ADCK2: variants seen among roughly 807,000 people sequenced by gnomAD.
ADCK2 encodes aarF domain containing kinase 2.
A neutral mutation model predicts 52.3 loss-of-function variants in ADCK2; 37 were observed. The ratio of observed to expected loss-of-function variants is 0.71; its 90% CI spans 0.54 to 0.93. The LOEUF is 0.93. Ranked by LOEUF, ADCK2 falls within the 40% of genes least tolerant of loss-of-function variation. The pLI is 0.00. For missense variants in ADCK2, 695 were observed against 798.7 expected (o/e 0.87, Z 1.56); for synonymous variants, 321 against 349.2 (o/e 0.92, Z 0.90).
At chr7:140,682,843 A>G in intron 4 of ADCK2, among the ~76,000 whole-genome samples, 1 of 150,836 alleles carries the variant, frequency 6.6e-6, no homozygotes, top group East Asian at 1.9e-4. Context: ...AAAAAAAAAA[A>G]AATACAAAAA....
chr7:140,678,582 G>C lies in ADCK2; in HGVS notation c.1081-573G>C, dbSNP rs557466470. On this transcript the variant is annotated intron_variant, in intron 2 of 7. Transcript: ENST00000072869. This position sits in a 1 kb window ranked among gnomAD's most constrained non-coding sequence, Gnocchi z 4.9. The stretch of plus-strand genomic sequence containing the variant: ...GCCAGGAGAGTGAAGGGCAGGTGCC[G>C]GGGGAAGAGCCATCACGGAGAGACA... 6.6e-6 allele frequency among the ~76,000 whole-genome samples: 1 copy of C among 152,142 alleles called. No homozygotes were observed. Among genetic ancestry groups the C allele is most frequent in the Non-Finnish European group, 1.5e-5 (1 of 68,008 alleles).
Position 140,674,553 on chromosome 7 carries a change from G to A in ADCK2, c.934-58G>A, listed in dbSNP as rs1170994927. The A allele has an allele frequency of 7.0e-6, 11 of 1,569,900 alleles. No individual in the cohort carries two copies. In the African/African-American group the frequency reaches 1.4e-4, roughly 19 times the overall value. Reference sequence around the variant, plus strand: ...TGCTTGGATGGTGGGACCCAGCCCTGGCTGGGTAAAATGTGTCCAGCAGGT... The same window carrying A: ...TGCTTGGATGGTGGGACCCAGCCCTAGCTGGGTAAAATGTGTCCAGCAGGT... On this transcript the variant is annotated intron_variant, in intron 1 of 7. Transcript: ENST00000072869. The surrounding 1 kb of genome is among the most constrained non-coding windows in gnomAD (Gnocchi z 4.6).
At chr7:140,694,638 G>C in intron 7 of ADCK2, 25 bp from the exon 8 acceptor site, 1 of 1,609,586 alleles carries the variant, frequency 6.2e-7, no homozygotes, top group Non-Finnish European at 8.5e-7. Context: ...GTTCTGAGAT[G>C]AACTGTTCTG....
At position 140,687,079 on chromosome 7, in the gene ADCK2, G is replaced by T. The variant is rs757520275; in HGVS notation, c.1395G>T (p.Ala465=). Residue 465 remains alanine (A), a synonymous_variant, in exon 5 of 8, where the codon GCG becomes GCT. Coordinates refer to ENST00000072869, the MANE Select transcript of ADCK2 (RefSeq NM_052853.4). Reference sequence around the variant, plus strand: ...ACGGCCTGTCCTCGAGTCAGGAGGCGCAGCTGCAGCAGGCGGACATCTGTG... The same window carrying T: ...ACGGCCTGTCCTCGAGTCAGGAGGCTCAGCTGCAGCAGGCGGACATCTGTG... ...GANGLSSSQE[A]QLQQADICDT... 7 of 1,613,992 alleles carry T rather than the reference G, an allele frequency of 4.3e-6. No homozygotes were observed. The highest frequency in any genetic ancestry group is 5.9e-6 in the Non-Finnish European group (7 of 1,180,036).
At chr7:140,681,580 A>G (rs935772047) in intron 4 of ADCK2, among the ~76,000 whole-genome samples, 2 of 151,910 alleles carry the variant, frequency 1.3e-5, no homozygotes, top group African/African-American at 4.8e-5. Context: ...TTGGCCTCCC[A>G]AAGTGCTGGG....
Position 140,694,948 on chromosome 7 carries a change from T to G in ADCK2, c.*145T>G. ...GTGGAAGGCACACCATGGCTTCCTC[T>G]GCTTGGTTTGAGGGTCTGTTCAAAA... On this transcript the variant is annotated 3_prime_UTR_variant, in exon 8 of 8. Transcript: ENST00000072869. 1 of 1,415,752 alleles carries G rather than the reference T, an allele frequency of 7.1e-7. No homozygotes were observed. The highest frequency in any genetic ancestry group is 2.6e-5 in the East Asian group (1 of 39,036). The allele number at this position is 1,415,752 out of a possible 1,614,324, so 87.7% of individuals were successfully genotyped here.
intron 2 of ADCK2, among the ~76,000 whole-genome samples, chr7:140,675,057 A>G (rs962639061): frequency 1.1e-4 from 16 of 152,238 alleles, no homozygotes; most frequent in African/African-American, 3.9e-4. Context: ...AGCCTGGCCA[A>G]CATGGTGTAA....
Position 140,673,533 on chromosome 7 carries a change from G to T in ADCK2, c.203G>T (p.Arg68Leu). The part of the protein sequence containing the change: ...GEGAPDVLSR[R>L]RVRCSGAAGA... ...GGGGCCCCTGACGTTCTGAGTCGGC[G>T]AAGGGTCCGCTGCAGCGGGGCGGCT... The change falls in exon 1 of 8, where the codon CGA (arginine) becomes CTA (leucine). Residue 68 changes from arginine to leucine, a missense_variant. Arg to Leu is a moderately radical substitution (Grantham distance 102). Transcript: ENST00000072869. This position sits in a 1 kb window ranked among gnomAD's most constrained non-coding sequence, Gnocchi z 6.4. 6.2e-7 allele frequency: 1 copy of T among 1,600,298 alleles called. No homozygotes were observed. Among genetic ancestry groups the T allele is most frequent in the Non-Finnish European group, 8.5e-7 (1 of 1,176,778 alleles).
intron 4 of ADCK2, among the ~76,000 whole-genome samples, chr7:140,682,846 T>A (rs955157366): frequency 0.022 from 2,577 of 116,254 alleles, 197 homozygotes; most frequent in Admixed American, 0.16. Flanking sequence ...AAAAAAAAAA[T>A]ACAAAAATTG....
Position 140,673,205 on chromosome 7 carries a change from G to T in ADCK2, c.-126G>T. On this transcript the variant is annotated 5_prime_UTR_variant, in exon 1 of 8. Coordinates refer to ENST00000072869, the MANE Select transcript of ADCK2 (RefSeq NM_052853.4). This position sits in a 1 kb window ranked among gnomAD's most constrained non-coding sequence, Gnocchi z 6.4. ...CGAGGTGCTGGAGGGAGCGGGGCGC[G>T]GATCCGGCCCAGATGGGCAGCTCCG... The T allele has an allele frequency of 1.4e-6, 1 of 738,714 alleles. No individual in the cohort carries two copies. Among genetic ancestry groups the T allele is most frequent in the Non-Finnish European group, 1.9e-6 (1 of 525,374 alleles). The allele number at this position is 738,714 out of a possible 1,614,324, so 45.8% of individuals were successfully genotyped here. A position where few individuals can be genotyped will look rare whatever the true frequency, so the allele number is the denominator to read the frequency against.
At chr7:140,683,495 T>C (rs1181901945) in intron 4 of ADCK2, among the ~76,000 whole-genome samples, 7 of 152,182 alleles carry the variant, frequency 4.6e-5, no homozygotes, top group Admixed American at 1.3e-4. Context: ...CTCCCTACCA[T>C]GATTCTTTTC....
rs151053844 is a variant in ADCK2, at chr7:140,681,663, G to T, written c.1305+526G>T. 8.7e-3 allele frequency among the ~76,000 whole-genome samples: 1,321 copies of T among 151,592 alleles called. 47 individuals are homozygous for T. The highest frequency in any genetic ancestry group is 0.065 in the Admixed American group (982 of 15,196). ...GATAGGGTCTCACTCTGTTGCCGAG[G>T]TTGGAGTGCAGTGGCAAAATCTCCA... On this transcript the variant is annotated intron_variant, in intron 4 of 7. Coordinates refer to ENST00000072869, the MANE Select transcript of ADCK2 (RefSeq NM_052853.4).
At chr7:140,680,150 A>ATT (rs34658235) in intron 3 of ADCK2, among the ~76,000 whole-genome samples, 16 of 141,540 alleles carry the variant, frequency 1.1e-4, no homozygotes, top group Admixed American at 9.2e-4. Flanking sequence ...TGTTTTGACA[A>ATT]TTTTTTTTTT....
chr7:140,691,035 C>G (rs908497092), intron 7 of ADCK2, among the ~76,000 whole-genome samples: 1 of 152,080 alleles, frequency 6.6e-6, no homozygotes, highest in African/African-American at 2.4e-5. Context: ...CAGTGATTCT[C>G]TTGCCTCAGT....
intron 4 of ADCK2, among the ~76,000 whole-genome samples, chr7:140,684,478 G>A (rs1442777877): frequency 6.6e-6 from 1 of 152,128 alleles, no homozygotes; most frequent in Non-Finnish European, 1.5e-5. Context: ...AGAGGACAGT[G>A]GTTGAAGGGA....
chr7:140,694,940 G>A lies in ADCK2; in HGVS notation c.*137G>A. The A allele has an allele frequency of 7.0e-7, 1 of 1,418,918 alleles. No individual in the cohort carries two copies. Among genetic ancestry groups the A allele is most frequent in the Non-Finnish European group, 9.2e-7 (1 of 1,090,512 alleles). The allele number at this position is 1,418,918 out of a possible 1,614,324, so 87.9% of individuals were successfully genotyped here. ...CTCCAGTGGTGGAAGGCACACCATG[G>A]CTTCCTCTGCTTGGTTTGAGGGTCT... On this transcript the variant is annotated 3_prime_UTR_variant, in exon 8 of 8. Transcript: ENST00000072869.
intron 5 of ADCK2, among the ~76,000 whole-genome samples, chr7:140,689,119 C>G (rs141812104): frequency 0.026 from 3,950 of 151,950 alleles, 81 homozygotes; most frequent in Non-Finnish European, 0.035. Context: ...AGGTACCCAC[C>G]ACCATGCCCG....
At position 140,674,077 on chromosome 7, in the gene ADCK2, G is replaced by A; in HGVS notation, c.747G>A (p.Gly249=). 1 of 1,614,120 alleles carries A rather than the reference G, an allele frequency of 6.2e-7. No individual in the cohort carries two copies. ...PPFSHTGAVG[G]LRELFGYLGN... ...TCTCACATACTGGGGCAGTCGGTGG[G>A]CTGAGAGAGCTCTTTGGATACCTTG... The change falls in exon 1 of 8, where the codon GGG becomes GGA. Residue 249 remains glycine, a synonymous_variant. Coordinates refer to ENST00000072869, the MANE Select transcript of ADCK2 (RefSeq NM_052853.4). This position sits in a 1 kb window ranked among gnomAD's most constrained non-coding sequence, Gnocchi z 4.6.
In ADCK2 at chr7:140,679,009, C is replaced by T. The variant is rs763737675; in HGVS notation, c.1081-146C>T. ...GGCAGGCTGTAGCCCACGGATGTCG[C>T]CTCCTGAGTTTCTGGGCAAGTTCTG... On this transcript the variant is annotated intron_variant, in intron 2 of 7. Transcript: ENST00000072869. 2.9e-5 allele frequency: 29 copies of T among 1,013,504 alleles called. No individual in the cohort carries two copies. In the African/African-American group the frequency reaches 4.2e-4, roughly 15 times the overall value. 62.8% of individuals were successfully genotyped at this position (1,013,504 alleles called of 1,614,324 possible).
Sources: gnomAD v4.1 joint callset for allele counts (sites outside exome capture counted in the v4.1 genomes callset) on GRCh38, gnomAD v4.1.1 for gene constraint, Gnocchi (gnomAD v3.1) non-coding constraint, MANE v1.5 for transcripts, NCBI Gene and HGNC (gene_info 2026-07-23, HGNC 2026-07-21) for gene names.